HLF: variants seen among roughly 807,000 people sequenced by gnomAD.
The protein encoded by HLF is HLF transcription factor, PAR bZIP family member.
A neutral mutation model predicts 22.6 loss-of-function variants in HLF; 3 were observed. The observed-to-expected ratio is 0.13, with a 90% confidence interval of 0.06 to 0.34. The LOEUF is 0.34. Among genes scored for constraint, HLF ranks in the 10% least tolerant of loss-of-function variants. The pLI is 1.00. For missense variants in HLF, 299 were observed against 389.2 expected, an observed-to-expected ratio of 0.77 and a Z score of 1.95; for synonymous variants, 151 against 151.8, an observed-to-expected ratio of 0.99 and a Z score of 0.04.
chr17:55,294,287 C>T (rs900227335), intron 2 of HLF, among the ~76,000 whole-genome samples: 2 of 152,184 alleles, frequency 1.3e-5, no homozygotes, highest in African/African-American at 2.4e-5. Flanking sequence ...GTGTCTTTCA[C>T]GAATAGATTT....
intron 2 of HLF, chr17:55,273,172 C>T (rs1475949246): frequency 6.6e-6 from 1 of 152,182 alleles, no homozygotes; most frequent in Non-Finnish European, 1.5e-5. Context: ...CATCCTGGAC[C>T]CACCCCTGGC....
At position 55,323,094 on chromosome 17, in the gene HLF, A is replaced by G. The variant is rs181431390; in HGVS notation, c.*2215A>G. 2 of 219,912 alleles carry G rather than the reference A, an allele frequency of 9.1e-6. No homozygotes were observed. Among genetic ancestry groups the G allele is most frequent in the East Asian group, 1.3e-4 (2 of 14,912 alleles). The allele number at this position is 219,912 out of a possible 1,614,324, so 13.6% of individuals were successfully genotyped here. A position where few individuals can be genotyped will look rare whatever the true frequency, so the allele number is the denominator to read the frequency against. On this transcript the variant is annotated 3_prime_UTR_variant, in exon 4 of 4. Transcript: ENST00000226067. ...TCTCATAGTGTCATAGACTTGGGAA[A>G]CCCAACCAGTAGGATATTTCTACAA...
intron 1 of HLF, 35 bp from the exon 2 acceptor site, chr17:55,267,715 CT>C (rs762403571): frequency 5.8e-4 from 814 of 1,397,798 alleles, no homozygotes; most frequent in Non-Finnish European, 6.4e-4. Context: ...TCTTTTCTTT[CT>C]TTTTTTTTAA....
At position 55,267,859 on chromosome 17, in the gene HLF, C is replaced by G; in HGVS notation, c.224C>G (p.Pro75Arg). ...LGPTLWDKTL[P>R]YDGDTFQLEY... ...CCTACCTTATGGGACAAAACCCTTC[C>G]CTATGACGGAGATACTTTCCAGTTG... Residue 75 changes from proline to arginine, a missense_variant, in exon 2 of 4, where the codon CCC becomes CGC. Around this residue, in one of 3 missense-constraint regions of HLF, gnomAD observed 224 missense variants for 298.1 expected, o/e 0.75. Coordinates refer to ENST00000226067, the MANE Select transcript of HLF (RefSeq NM_002126.5). 1.2e-6 allele frequency: 2 copies of G among 1,614,088 alleles called. No individual in the cohort carries two copies. The highest frequency in any genetic ancestry group is 1.6e-4 in the Middle Eastern group (1 of 6,062).
chr17:55,290,502 T>G (rs2081051436), intron 2 of HLF, among the ~76,000 whole-genome samples: 1 of 152,180 alleles, frequency 6.6e-6, no homozygotes, highest in South Asian at 2.1e-4. Context: ...TTGTTATTGT[T>G]TGGGGGCACC....
At chr17:55,277,434 C>A (rs7218159) in intron 2 of HLF, among the ~76,000 whole-genome samples, 128,670 of 152,030 alleles carry the variant, frequency 0.85, 54,797 homozygotes, top group East Asian at 0.96. Flanking sequence ...TAGCTTAAAT[C>A]AGTTTTACTC....
At chr17:55,284,852 A>C (rs944007095) in intron 2 of HLF, among the ~76,000 whole-genome samples, 1 of 152,206 alleles carries the variant, frequency 6.6e-6, no homozygotes, top group Non-Finnish European at 1.5e-5. Context: ...AGATTAAGTC[A>C]TATGTTGAAA....
chr17:55,271,472 G>A (rs748195934), intron 2 of HLF: 1 of 152,120 alleles, frequency 6.6e-6, no homozygotes, highest in African/African-American at 2.4e-5. Context: ...TCTACCCCAA[G>A]GATGTCTTGG....
chr17:55,303,470 G>A (rs2145352915), intron 2 of HLF, among the ~76,000 whole-genome samples: 1 of 152,324 alleles, frequency 6.6e-6, no homozygotes, highest in East Asian at 1.9e-4. Flanking sequence ...TTGGGATGGA[G>A]TGAGAAGCAT....
chr17:55,320,632 G>C lies in HLF; in HGVS notation c.673-32G>C. The C allele has an allele frequency of 6.2e-7, 1 of 1,602,386 alleles. No individual in the cohort carries two copies. The highest frequency in any genetic ancestry group is 8.5e-7 in the Non-Finnish European group (1 of 1,170,546). On this transcript the variant is annotated intron_variant, in intron 3 of 3. Coordinates refer to ENST00000226067, the MANE Select transcript of HLF (RefSeq NM_002126.5). This position sits in a 1 kb window ranked among gnomAD's most constrained non-coding sequence, Gnocchi z 4.2. Reference sequence around the variant, plus strand: ...GGGCTTTGCTGAAATCTAATATCTTGTTTCTTTTTCCCTTCTGTAACTAAT... The same window carrying C: ...GGGCTTTGCTGAAATCTAATATCTTCTTTCTTTTTCCCTTCTGTAACTAAT...
At chr17:55,310,819 C>T (rs1159055659) in intron 2 of HLF, among the ~76,000 whole-genome samples, 1 of 152,146 alleles carries the variant, frequency 6.6e-6, no homozygotes, top group African/African-American at 2.4e-5. Context: ...AAACCAGTAG[C>T]TTCCTATATA....
At chr17:55,308,152 C>T (rs1367481492) in intron 2 of HLF, among the ~76,000 whole-genome samples, 2 of 152,106 alleles carry the variant, frequency 1.3e-5, no homozygotes, top group Non-Finnish European at 2.9e-5. Flanking sequence ...GTGACCCACA[C>T]GGGTCTGCAT....
At chr17:55,306,620 A>C (rs1477099532) in intron 2 of HLF, among the ~76,000 whole-genome samples, 1 of 150,836 alleles carries the variant, frequency 6.6e-6, no homozygotes, top group African/African-American at 2.4e-5. Context: ...CCTTAAAATT[A>C]GTACATCAAC....
chr17:55,289,949 G>C (rs555669695), intron 2 of HLF, among the ~76,000 whole-genome samples: 1 of 152,056 alleles, frequency 6.6e-6, no homozygotes, highest in Non-Finnish European at 1.5e-5. Flanking sequence ...AGAATTCTGC[G>C]TTCCCTTTGG....
chr17:55,293,352 C>T (rs951827081), intron 2 of HLF, among the ~76,000 whole-genome samples: 6 of 152,152 alleles, frequency 3.9e-5, no homozygotes, highest in Non-Finnish European at 7.3e-5. Flanking sequence ...AACGGCCGAT[C>T]GCCACTGTGC....
At chr17:55,280,430 GC>G (rs1167489473) in intron 2 of HLF, among the ~76,000 whole-genome samples, 2 of 152,206 alleles carry the variant, frequency 1.3e-5, no homozygotes, top group Non-Finnish European at 2.9e-5. Flanking sequence ...TGCTCTGTGA[GC>G]CCTGGCTGTG....
chr17:55,284,577 G>A (rs916564790), intron 2 of HLF, among the ~76,000 whole-genome samples: 1 of 152,158 alleles, frequency 6.6e-6, no homozygotes, highest in African/African-American at 2.4e-5. Flanking sequence ...CTGATTGCCT[G>A]CCCCATGGTT....
chr17:55,306,835 T>A (rs935392452), intron 2 of HLF, among the ~76,000 whole-genome samples: 3 of 152,084 alleles, frequency 2.0e-5, no homozygotes, highest in African/African-American at 7.2e-5. Flanking sequence ...CTTTGATTCA[T>A]TCTTGTATTT....
chr17:55,305,864 G>C (rs916328123), intron 2 of HLF, among the ~76,000 whole-genome samples: 3 of 152,236 alleles, frequency 2.0e-5, no homozygotes, highest in African/African-American at 4.8e-5. Context: ...ATGGGCTTTA[G>C]AGTGAGAAGG....
Sources: allele counts gnomAD v4.1 joint callset (sites outside exome capture counted in the v4.1 genomes callset), GRCh38; gene constraint gnomAD v4.1.1; regional missense constraint gnomAD v4.1.1; non-coding constraint Gnocchi (gnomAD v3.1); transcripts MANE v1.5; gene names NCBI Gene and HGNC (gene_info 2026-07-23, HGNC 2026-07-21).